Variants in TMEM87B observed in about 807,000 individuals in gnomAD.
TMEM87B encodes the protein transmembrane protein 87B.
In TMEM87B, 83 loss-of-function variants were observed where a neutral mutation model predicts 80.3. The observed-to-expected ratio is 1.03, with a 90% CI of 0.87 to 1.24. The LOEUF (loss-of-function observed/expected upper bound fraction) is 1.24, where lower values mean the gene tolerates loss of function less well. Among genes scored for constraint, TMEM87B ranks in the 50% most tolerant of loss-of-function variants. The pLI is 0.00. For synonymous variants in TMEM87B, 219 were observed against 230.5 expected, an observed-to-expected ratio of 0.95 and a Z score of 0.45; for missense variants, 625 against 674.4, an observed-to-expected ratio of 0.93 and a Z score of 0.81.
At chr2:112,082,336 C>T (rs894955351) in intron 8 of TMEM87B, among the ~76,000 whole-genome samples, 5 of 152,164 alleles carry the variant, frequency 3.3e-5, no homozygotes, top group Non-Finnish European at 7.4e-5. Context: ...TTGCTCACTG[C>T]AGCCTCGACC....
At chr2:112,071,927 G>C (rs977957733) in intron 4 of TMEM87B, among the ~76,000 whole-genome samples, 5 of 151,918 alleles carry the variant, frequency 3.3e-5, no homozygotes, top group African/African-American at 1.2e-4. Flanking sequence ...GTTTGTCATA[G>C]GTGGCTCTTA....
At chr2:112,105,930 TCA>T in intron 15 of TMEM87B, 70 bp from the exon 16 acceptor site, 1 of 1,085,020 alleles carries the variant, frequency 9.2e-7, no homozygotes, top group Non-Finnish European at 1.3e-6. Flanking sequence ...TTTTTTCTTA[TCA>T]GATTATTAAA....
intron 1 of TMEM87B, among the ~76,000 whole-genome samples, chr2:112,056,324 A>G (rs1678058677): frequency 6.6e-6 from 1 of 152,072 alleles, no homozygotes; most frequent in African/African-American, 2.4e-5. Flanking sequence ...ATTTCTCTAC[A>G]GTTCCTGTCA....
chr2:112,078,904 G>A (rs1331990708), intron 6 of TMEM87B, among the ~76,000 whole-genome samples: 1 of 152,180 alleles, frequency 6.6e-6, no homozygotes, highest in East Asian at 1.9e-4. Context: ...GGACTACTGT[G>A]CTCTTGTATA....
intron 4 of TMEM87B, among the ~76,000 whole-genome samples, chr2:112,074,431 A>G (rs1678749044): frequency 6.6e-6 from 1 of 152,154 alleles, no homozygotes; most frequent in Non-Finnish European, 1.5e-5. Context: ...GGAGAGGCTT[A>G]ATGTTAATCT....
chr2:112,107,706 C>G, intron 16 of TMEM87B, 82 bp from the exon 17 acceptor site: 1 of 678,400 alleles, frequency 1.5e-6, no homozygotes, highest in Non-Finnish European at 2.3e-6. Flanking sequence ...CATTTAAACA[C>G]TTAAGTTATA....
rs1049519647 is a variant in TMEM87B at position 112,055,316 on chromosome 2, G to A, written c.-276G>A. ...CTGAGCCCAGCCTCCACGTCTCGCC[G>A]CCAACTCCACATCCTGGCTCCTATC... On this transcript the variant is annotated 5_prime_UTR_variant, in exon 1 of 19. Transcript: ENST00000283206. 9 of 469,604 alleles carry A rather than the reference G, an allele frequency of 1.9e-5. No individual in the cohort carries two copies. The highest frequency in any genetic ancestry group is 1.7e-4 in the African/African-American group (8 of 48,440). The allele number at this position is 469,604 out of a possible 1,614,324, so 29.1% of individuals were successfully genotyped here. A position where few individuals can be genotyped will look rare whatever the true frequency, so the allele number is the denominator to read the frequency against.
rs548676832 is a variant in TMEM87B at position 112,105,972 on chromosome 2, T to A, written c.1451-30T>A. 14 of 1,445,636 alleles carry A rather than the reference T, an allele frequency of 9.7e-6. No individual in the cohort carries two copies. The South Asian group carries it at 1.1e-4, about 11-fold the overall frequency. The allele number at this position is 1,445,636 out of a possible 1,614,324, so 89.6% of individuals were successfully genotyped here. ...TAAAGGAAAATATTATTTTGTGATT[T>A]TATATATATGTTTATAATGTCTCTC... is the stretch of plus-strand genomic sequence containing the variant. On this transcript the variant is annotated intron_variant, in intron 15 of 18. Coordinates refer to ENST00000283206, the MANE Select transcript of TMEM87B (RefSeq NM_032824.3).
At chr2:112,081,955 C>T (rs1343416991) in intron 8 of TMEM87B, among the ~76,000 whole-genome samples, 2 of 152,132 alleles carry the variant, frequency 1.3e-5, no homozygotes, top group Non-Finnish European at 2.9e-5. Context: ...AGGGATGGTG[C>T]CTGCAGCCTC....
At chr2:112,096,335 C>T (rs1679468116) in intron 11 of TMEM87B, among the ~76,000 whole-genome samples, 1 of 152,126 alleles carries the variant, frequency 6.6e-6, no homozygotes, top group South Asian at 2.1e-4. Flanking sequence ...ATTCCCTCAT[C>T]GGTGTGTCTA....
At chr2:112,064,303 A>G (rs60348850) in intron 3 of TMEM87B, 50 bp downstream of exon 3, 338,403 of 1,468,852 alleles carry the variant, frequency 0.23, 45,111 homozygotes, top group East Asian at 0.72. Flanking sequence ...AAGGAAAATT[A>G]TGGGTATAAA....
intron 1 of TMEM87B, among the ~76,000 whole-genome samples, chr2:112,057,060 T>G (rs1327020721): frequency 2.0e-5 from 3 of 152,236 alleles, no homozygotes; most frequent in Admixed American, 2.0e-4. Context: ...CCAAGTGTAC[T>G]TCTTCCTGCA....
At chr2:112,095,626 G>A (rs1235994344) in intron 11 of TMEM87B, 3 of 348,650 alleles carry the variant, frequency 8.6e-6, no homozygotes, top group Admixed American at 1.3e-4. Context: ...AACCTGAATT[G>A]GTTGTATTGT....
rs1573702130 is a variant in TMEM87B at position 112,081,247 on chromosome 2, A to G, written c.655-88A>G. Reference sequence around the variant, plus strand: ...ATTTCTGGTTCCAGAGTGACTGGAAAATGAAGGGTTGGATACTTGAATGTA... The same window carrying G: ...ATTTCTGGTTCCAGAGTGACTGGAAGATGAAGGGTTGGATACTTGAATGTA... On this transcript the variant is annotated intron_variant, in intron 7 of 18. Transcript: ENST00000283206. The G allele has an allele frequency of 4.2e-6, 6 of 1,445,688 alleles. No individual in the cohort carries two copies. The East Asian group carries it at 1.4e-4, about 33-fold the overall frequency. 89.6% of individuals were successfully genotyped at this position (1,445,688 alleles called of 1,614,324 possible).
At chr2:112,075,361 C>A (rs902615463) in intron 5 of TMEM87B, among the ~76,000 whole-genome samples, 1 of 152,116 alleles carries the variant, frequency 6.6e-6, no homozygotes, top group African/African-American at 2.4e-5. Context: ...AATTGCACCA[C>A]TAAACTTCAG....
chr2:112,067,042 A>G lies in TMEM87B; in HGVS notation c.425A>G (p.Asp142Gly). Residue 142 changes from aspartate to glycine, a missense_variant, in exon 4 of 19, where the codon GAT (aspartate) becomes GGT (glycine). Physicochemically the swap from Asp to Gly is moderately conservative, Grantham distance 94 (BLOSUM62 -1). Transcript: ENST00000283206. ...AATGAAAACTTAGATTGCAACAGTG[A>G]TTCACAGGTGTTTCCCTCTTTGAAT... ...TKNENLDCNS[D>G]SQVFPSLNNK... 1 of 1,610,684 alleles carries G rather than the reference A, an allele frequency of 6.2e-7. No homozygotes were observed. Among genetic ancestry groups the G allele is most frequent in the Non-Finnish European group, 8.5e-7 (1 of 1,179,160 alleles).
At chr2:112,076,443 G>A (rs1236466534) in intron 5 of TMEM87B, among the ~76,000 whole-genome samples, 9 of 151,946 alleles carry the variant, frequency 5.9e-5, no homozygotes, top group African/African-American at 2.2e-4. Flanking sequence ...AAGTTCAAGC[G>A]ATTCTTCTGT....
intron 15 of TMEM87B, among the ~76,000 whole-genome samples, chr2:112,101,717 G>A (rs1679637437): frequency 6.6e-6 from 1 of 152,156 alleles, no homozygotes; most frequent in South Asian, 2.1e-4. Context: ...AAACTTGCAT[G>A]TAGGTGGACC....
In TMEM87B at chr2:112,107,716, A is replaced by G. The variant is rs1573728177; in HGVS notation, c.1525-72A>G. 5 of 760,000 alleles carry G rather than the reference A, an allele frequency of 6.6e-6. No homozygotes were observed. In the Admixed American group the frequency reaches 7.3e-5, roughly 11 times the overall value. The allele number at this position is 760,000 out of a possible 1,614,324, so 47.1% of individuals were successfully genotyped here. A position where few individuals can be genotyped will look rare whatever the true frequency, so the allele number is the denominator to read the frequency against. On this transcript the variant is annotated intron_variant, in intron 16 of 18. Coordinates refer to ENST00000283206, the MANE Select transcript of TMEM87B (RefSeq NM_032824.3). ...ATTTACATTTAAACACTTAAGTTAT[A>G]TATATATTCTGTTTTAAAAATTCTG... is the stretch of plus-strand genomic sequence containing the variant.
Sources: gnomAD v4.1 joint callset for allele counts (sites outside exome capture counted in the v4.1 genomes callset) on GRCh38, gnomAD v4.1.1 for gene constraint, MANE v1.5 for transcripts, NCBI Gene and HGNC (gene_info 2026-07-23, HGNC 2026-07-21) for gene names.